Variants in MCC observed in about 807,000 individuals in gnomAD.
The protein encoded by MCC is colorectal mutant cancer protein.
MCC carries 90 observed loss-of-function variants against 116.2 expected under a neutral mutation model. That is an observed-to-expected ratio of 0.77 (90% CI 0.65 to 0.92). The LOEUF is 0.92. Ranked by LOEUF, MCC falls within the 40% of genes least tolerant of loss-of-function variation. The pLI is 0.00. For synonymous variants in MCC, 578 were observed against 510.5 expected (o/e 1.13, Z -1.78); for missense variants, 1,516 against 1,312.2 (o/e 1.16, Z -2.40).
intron 3 of MCC, among the ~76,000 whole-genome samples, chr5:113,163,516 T>G (rs1285830816): frequency 6.6e-6 from 1 of 151,728 alleles, no homozygotes; most frequent in East Asian, 1.9e-4. Flanking sequence ...CCTGTAACCC[T>G]TAGTATGACC....
At chr5:113,443,461 T>C (rs1298108182) in intron 1 of MCC, among the ~76,000 whole-genome samples, 2 of 152,202 alleles carry the variant, frequency 1.3e-5, no homozygotes, top group Non-Finnish European at 2.9e-5. Context: ...ATTTGACTTC[T>C]TCTTTTCCTA....
At chr5:113,433,956 T>C in intron 1 of MCC, 1 of 1,613,978 alleles carries the variant, frequency 6.2e-7, no homozygotes, top group Non-Finnish European at 8.5e-7. Flanking sequence ...CCACAAGGGT[T>C]CAGTTCCCCG....
chr5:113,421,009 C>T (rs1039515369), intron 1 of MCC, among the ~76,000 whole-genome samples: 7 of 151,094 alleles, frequency 4.6e-5, no homozygotes, highest in African/African-American at 1.5e-4. Context: ...GTGGAAATTC[C>T]GCAAAAGAAT....
intron 3 of MCC, among the ~76,000 whole-genome samples, chr5:113,320,530 C>T (rs10077020): frequency 0.088 from 13,290 of 151,122 alleles, 1,377 homozygotes; most frequent in African/African-American, 0.25. Context: ...TGATAACCTA[C>T]AGGCCCTCTA....
rs1482505025 is a variant in MCC, at chr5:113,078,520, CG to C, written c.1784+4339del. 1.9e-3 allele frequency among the ~76,000 whole-genome samples: 292 copies of C among 152,182 alleles called. 2 individuals carry two copies. The highest frequency in any genetic ancestry group is 6.7e-3 in the African/African-American group (279 of 41,480). ...GGTTCAACATATGCAAATCAATAAACGTTAATCCATCATATAAATAGAACCA... is the reference window on the plus strand; with the variant it reads ...GGTTCAACATATGCAAATCAATAAACTTAATCCATCATATAAATAGAACCA... On this transcript the variant is annotated intron_variant, in intron 11 of 18. Coordinates refer to ENST00000408903, the MANE Select transcript of MCC (RefSeq NM_001085377.2).
rs371083857 is a variant in MCC at position 113,068,107 on chromosome 5, G to A, written c.2002C>T (p.Arg668Ter). The A allele has an allele frequency of 3.7e-6, 6 of 1,614,160 alleles. No homozygotes were observed. The highest frequency in any genetic ancestry group is 2.2e-5 in the South Asian group (2 of 91,078). ...GGGGAGGACCCCACGCCCGCCGCTCGGAACTGCCCCAGGATGAGGCTCTGC... is the reference window on the plus strand; with the variant it reads ...GGGGAGGACCCCACGCCCGCCGCTCAGAACTGCCCCAGGATGAGGCTCTGC... Reference protein sequence around the residue: ...SEQSLILGQFRAAGVGSSPGD... With the variant: ...SEQSLILGQF Residue 668 changes from arginine (R) to a stop codon, truncating the protein, a stop_gained, in exon 13 of 19, where the codon CGA (arginine) becomes TGA (stop). Transcript: ENST00000408903. LOFTEE classifies it high-confidence loss of function.
rs561374936 is a variant in MCC, at chr5:113,172,504, T to C, written c.628-21082A>G. On this transcript the variant is annotated intron_variant, in intron 3 of 18. Transcript: ENST00000408903. Reference sequence around the variant, plus strand: ...TCCTCTTCTTTTAAGTAACCTCGTTTGACTAAAAAGGCTTTGGGGAGGCAA... The same window carrying C: ...TCCTCTTCTTTTAAGTAACCTCGTTCGACTAAAAAGGCTTTGGGGAGGCAA... 8.6e-5 allele frequency among the ~76,000 whole-genome samples: 13 copies of C among 152,026 alleles called. No homozygotes were observed. The South Asian group carries it at 2.7e-3, about 31-fold the overall frequency.
chr5:113,316,654 TAA>T (rs972021451), intron 3 of MCC, among the ~76,000 whole-genome samples: 3 of 152,156 alleles, frequency 2.0e-5, no homozygotes, highest in African/African-American at 7.2e-5. Context: ...TACAGGGATA[TAA>T]AAGTCAGGGT....
chr5:113,450,500 C>A (rs1164105642), intron 1 of MCC, among the ~76,000 whole-genome samples: 1 of 152,114 alleles, frequency 6.6e-6, no homozygotes, highest in African/African-American at 2.4e-5. Flanking sequence ...TGTGTGCGAA[C>A]CCCAGGAGAT....
chr5:113,410,182 C>T (rs1230070472), intron 1 of MCC, among the ~76,000 whole-genome samples: 1 of 152,084 alleles, frequency 6.6e-6, no homozygotes, highest in East Asian at 1.9e-4. Flanking sequence ...AAAACCTTTC[C>T]GTGTTAAGAA....
At chr5:113,073,538 C>A (rs564668263) in intron 11 of MCC, among the ~76,000 whole-genome samples, 1 of 152,246 alleles carries the variant, frequency 6.6e-6, no homozygotes, top group Non-Finnish European at 1.5e-5. Flanking sequence ...TCTGCCACCT[C>A]GTCTCATGTA....
chr5:113,459,843 C>CACACACAG, intron 1 of MCC, among the ~76,000 whole-genome samples: 1 of 152,068 alleles, frequency 6.6e-6, no homozygotes, highest in Admixed American at 6.5e-5. Context: ...CACACACACA[C>CACACACAG]ACACACACAC....
In MCC at chr5:113,036,657, C is replaced by T. The variant is rs1210257750; in HGVS notation, c.2756+6873G>A. Among the ~76,000 whole-genome samples the T allele has an allele frequency of 3.3e-5, 5 of 152,180 alleles. No homozygotes were observed. In the South Asian group the frequency reaches 6.2e-4, roughly 19 times the overall value. On this transcript the variant is annotated intron_variant, in intron 17 of 18. Coordinates refer to ENST00000408903, the MANE Select transcript of MCC (RefSeq NM_001085377.2). ...TGAACATGTTTCTTGTCCAGGAAAT[C>T]CATCTGGAGTTTTCACAGGCCTTGC...
chr5:113,149,769 G>A (rs1043828848), intron 4 of MCC, among the ~76,000 whole-genome samples: 1 of 152,102 alleles, frequency 6.6e-6, no homozygotes, highest in Non-Finnish European at 1.5e-5. Context: ...AAAGCTTGGA[G>A]ACAAGGTGTG....
chr5:113,411,525 T>TA (rs1256792747), intron 1 of MCC, among the ~76,000 whole-genome samples: 8 of 151,510 alleles, frequency 5.3e-5, no homozygotes, highest in Non-Finnish European at 1.0e-4. Flanking sequence ...TCAGATAAGG[T>TA]AAAAAGCATG....
At position 113,037,649 on chromosome 5, in the gene MCC, G is replaced by C. The variant is rs185048652; in HGVS notation, c.2756+5881C>G. 1.2e-4 allele frequency among the ~76,000 whole-genome samples: 18 copies of C among 152,274 alleles called. No homozygotes were observed. In the East Asian group the frequency reaches 3.1e-3, roughly 26 times the overall value. ...GTTGAGTCTGCACAGAGCTGTGATT[G>C]TGCCACTATACTCCGGCCTGGATGA... On this transcript the variant is annotated intron_variant, in intron 17 of 18. Coordinates refer to ENST00000408903, the MANE Select transcript of MCC (RefSeq NM_001085377.2).
chr5:113,377,700 T>C (rs1769020036), intron 2 of MCC, among the ~76,000 whole-genome samples: 1 of 152,134 alleles, frequency 6.6e-6, no homozygotes. Context: ...GAGACAAAAA[T>C]TAACTGCTAA....
At position 113,043,540 on chromosome 5, in the gene MCC, C is replaced by T. The variant is rs762358214; in HGVS notation, c.2746G>A (p.Ala916Thr). The T allele has an allele frequency of 3.7e-6, 6 of 1,613,820 alleles. No individual in the cohort carries two copies. The highest frequency in any genetic ancestry group is 1.1e-5 in the South Asian group (1 of 91,028). ...ENELAAEFTN[A>T]IRREKKLKAR... ...GGAAAGGGTGCTTACCGACGAATGG[C>T]GTTGGTGAACTCCGCAGCCAGCTCA... The change falls in exon 17 of 19, where the codon GCC becomes ACC. Residue 916 changes from alanine (A) to threonine (T), a missense_variant. Ala to Thr is a moderately conservative substitution (Grantham distance 58, BLOSUM62 0). Coordinates refer to ENST00000408903, the MANE Select transcript of MCC (RefSeq NM_001085377.2).
chr5:113,333,830 T>C (rs373536964), intron 3 of MCC, among the ~76,000 whole-genome samples: 1,406 of 73,714 alleles, frequency 0.019, 141 homozygotes, highest in African/African-American at 0.039. Flanking sequence ...CATATATGTA[T>C]ATATGTATAT....
Sources: allele counts gnomAD v4.1 joint callset (sites outside exome capture counted in the v4.1 genomes callset), GRCh38; gene constraint gnomAD v4.1.1; transcripts MANE v1.5; gene names NCBI Gene and HGNC (gene_info 2026-07-23, HGNC 2026-07-21).